NLRP11: variants seen among roughly 807,000 people sequenced by gnomAD.
NLRP11 encodes the protein NLR family pyrin domain containing 11.
In NLRP11, 53 loss-of-function variants were observed where a neutral mutation model predicts 79.3. The observed-to-expected ratio is 0.67, with a 90% CI of 0.54 to 0.84. The LOEUF is 0.84. NLRP11 is among the 40% of genes least tolerant of loss of function. The pLI is 0.00. For missense variants in NLRP11, 1,264 were observed against 1,255.0 expected (o/e 1.01, Z -0.11); for synonymous variants, 518 against 462.6 (o/e 1.12, Z -1.54).
At chr19:55,828,568 A>G (rs866408344) in intron 1 of NLRP11, among the ~76,000 whole-genome samples, 1 of 152,212 alleles carries the variant, frequency 6.6e-6, no homozygotes, top group African/African-American at 2.4e-5. Flanking sequence ...TGCAGCCCCA[A>G]TTAAGTATAT....
At chr19:55,796,335 C>A in intron 5 of NLRP11, 85 bp from the exon 6 acceptor site, 1 of 1,089,066 alleles carries the variant, frequency 9.2e-7, no homozygotes, top group Non-Finnish European at 1.3e-6. Flanking sequence ...AAAAGAGAGA[C>A]CTAACCAAGT....
chr19:55,828,082 A>C (rs534219785), intron 1 of NLRP11, among the ~76,000 whole-genome samples: 3 of 149,410 alleles, frequency 2.0e-5, no homozygotes, highest in Non-Finnish European at 4.5e-5. Flanking sequence ...AATACTATGC[A>C]GCCATAAAAA....
At chr19:55,800,717 A>C (rs1455975855) in intron 5 of NLRP11, among the ~76,000 whole-genome samples, 2 of 152,204 alleles carry the variant, frequency 1.3e-5, no homozygotes, top group Non-Finnish European at 2.9e-5. Context: ...TATGAAATCA[A>C]TACGGAGGTC....
chr19:55,832,184 T>C (rs1982861444), upstream of NLRP11: 1 of 152,240 alleles, frequency 6.6e-6, no homozygotes, highest in African/African-American at 2.4e-5. Context: ...AAACAGGGTC[T>C]GCTGATTAGG....
Position 55,817,135 on chromosome 19 carries a change from C to T in NLRP11, c.271+769G>A, listed in dbSNP as rs923005497. On this transcript the variant is annotated intron_variant, in intron 2 of 9. Transcript: ENST00000589093. Reference sequence around the variant, plus strand: ...ATGCAAATCAAAACCACAATGCAATCCCACCTTACTCCTGCAAGAATGGCC... The same window carrying T: ...ATGCAAATCAAAACCACAATGCAATTCCACCTTACTCCTGCAAGAATGGCC... Among the ~76,000 whole-genome samples the T allele has an allele frequency of 2.0e-5, 3 of 151,930 alleles. No individual in the cohort carries two copies. The East Asian group carries it at 5.8e-4, about 29-fold the overall frequency.
intron 8 of NLRP11, 27 bp from the exon 9 acceptor site, chr19:55,789,004 G>A (rs1281613798): frequency 5.0e-6 from 8 of 1,612,612 alleles, no homozygotes; most frequent in South Asian, 1.1e-5. Context: ...CAGGTAAGGT[G>A]GGGCCAAATC....
chr19:55,792,747 T>TG (rs1205375803), intron 6 of NLRP11, among the ~76,000 whole-genome samples: 1 of 152,238 alleles, frequency 6.6e-6, no homozygotes, highest in African/African-American at 2.4e-5. Flanking sequence ...TTCTGGAACT[T>TG]GGTTTCTCCC....
chr19:55,790,581 T>C (rs2122714067), intron 7 of NLRP11, among the ~76,000 whole-genome samples: 1 of 152,358 alleles, frequency 6.6e-6, no homozygotes, highest in African/African-American at 2.4e-5. Context: ...GAGGAGTGCC[T>C]GACACTTAAC....
chr19:55,823,839 G>A (rs1370603802), intron 1 of NLRP11, among the ~76,000 whole-genome samples: 4 of 147,438 alleles, frequency 2.7e-5, no homozygotes, highest in South Asian at 2.2e-4. Context: ...AAAACGCTCT[G>A]CAGGATATTA....
chr19:55,793,556 C>CAAAAA (rs59605427), intron 6 of NLRP11, among the ~76,000 whole-genome samples: 678 of 35,720 alleles, frequency 0.019, 34 homozygotes, highest in Non-Finnish European at 0.024. Flanking sequence ...TGACTGTCTC[C>CAAAAA]AAAAAAAAAA....
chr19:55,795,788 G>A (rs1009964073), intron 6 of NLRP11, among the ~76,000 whole-genome samples: 2 of 151,862 alleles, frequency 1.3e-5, no homozygotes, highest in Admixed American at 6.6e-5. Context: ...GCGTCCGGCC[G>A]TGACCACCAT....
At chr19:55,800,242 C>T (rs778137100) in intron 5 of NLRP11, among the ~76,000 whole-genome samples, 3 of 152,128 alleles carry the variant, frequency 2.0e-5, no homozygotes, top group Admixed American at 6.5e-5. Flanking sequence ...GCACTCAAAG[C>T]GTGGCTAGCA....
At chr19:55,815,322 A>G (rs1452906813) in intron 2 of NLRP11, among the ~76,000 whole-genome samples, 4 of 152,078 alleles carry the variant, frequency 2.6e-5, no homozygotes, top group Non-Finnish European at 4.4e-5. Flanking sequence ...TGAGGTCAGG[A>G]GTTCAAGACC....
At chr19:55,801,859 C>A in intron 4 of NLRP11, 120 bp from the exon 5 acceptor site, 1 of 773,672 alleles carries the variant, frequency 1.3e-6, no homozygotes. Context: ...CATCCTCACA[C>A]ATGGCTCTCG....
At chr19:55,789,880 A>G (rs1431403739) in intron 7 of NLRP11, among the ~76,000 whole-genome samples, 1 of 152,148 alleles carries the variant, frequency 6.6e-6, no homozygotes, top group Non-Finnish European at 1.5e-5. Flanking sequence ...CGTACTCACG[A>G]TTGTCCGTGT....
At chr19:55,808,332 A>G (rs957028605) in intron 3 of NLRP11, among the ~76,000 whole-genome samples, 1 of 152,224 alleles carries the variant, frequency 6.6e-6, no homozygotes, top group African/African-American at 2.4e-5. Context: ...TAATGTAACA[A>G]TACAAGGTTT....
chr19:55,787,445 T>C (rs1171313140), intron 9 of NLRP11, among the ~76,000 whole-genome samples: 1 of 152,200 alleles, frequency 6.6e-6, no homozygotes, highest in Non-Finnish European at 1.5e-5. Flanking sequence ...CAAGTGATTC[T>C]CGTGCCTCAG....
exon 10 of NLRP11, chr19:55,785,529 AC>A: frequency 1.8e-6 from 2 of 1,121,038 alleles, no homozygotes; most frequent in African/African-American, 1.6e-5. Context: ...ACACACACAC[AC>A]ACACACACAT....
chr19:55,814,529 A>G (rs1045760978), intron 2 of NLRP11, among the ~76,000 whole-genome samples: 2 of 152,112 alleles, frequency 1.3e-5, no homozygotes, highest in African/African-American at 4.8e-5. Context: ...AGTTGTCCAT[A>G]AGCTTGAGCT....
Sources: allele counts gnomAD v4.1 joint callset (sites outside exome capture counted in the v4.1 genomes callset), GRCh38; gene constraint gnomAD v4.1.1; transcripts MANE v1.5; gene names NCBI Gene and HGNC (gene_info 2026-07-23, HGNC 2026-07-21).